The following GRHL2 variants were observed in gnomAD, a reference collection of about 807,000 sequenced individuals.
The protein encoded by GRHL2 is grainyhead-like protein 2 homolog.
GRHL2 carries 21 observed loss-of-function variants against 83.8 expected under a neutral mutation model. That is an observed-to-expected ratio of 0.25 (90% CI 0.18 to 0.36). The LOEUF (loss-of-function observed/expected upper bound fraction) is 0.36. GRHL2 is among the 10% of genes least tolerant of loss of function. GRHL2 has a pLI of 1.00. For synonymous variants in GRHL2, 280 were observed against 278.9 expected (o/e 1.00, Z -0.04); for missense variants, 623 against 781.8 (o/e 0.80, Z 2.42).
At position 101,586,065 on chromosome 8, in the gene GRHL2, C is replaced by CTTTTTTTTTTTTTTTTTTTTTTTTT. The variant is rs67985027; in HGVS notation, c.1003+8547_1003+8571dup. Among the ~76,000 whole-genome samples, 115 of 94,276 alleles carry CTTTTTTTTTTTTTTTTTTTTTTTTT rather than the reference C, an allele frequency of 1.2e-3. 14 individuals carry two copies. The highest frequency in any genetic ancestry group is 6.1e-3 in the Middle Eastern group (1 of 164). 61.8% of individuals were successfully genotyped at this position (94,276 alleles called of 152,430 possible). ...TCTTCTTTCCTTCCACCTCATGTTT[C>CTTTTTTTTTTTTTTTTTTTTTTTTT]TTTTTTTTTTTTTTTTTTTTTTTTT... On this transcript the variant is annotated intron_variant, in intron 7 of 15. Transcript: ENST00000646743.
chr8:101,589,026 G>T (rs1293234988), intron 7 of GRHL2, among the ~76,000 whole-genome samples: 1 of 152,192 alleles, frequency 6.6e-6, no homozygotes, highest in Non-Finnish European at 1.5e-5. Flanking sequence ...GATTACTGCT[G>T]ATTAACCACT....
At chr8:101,666,500 A>G (rs948789734) in intron 15 of GRHL2, 89 bp from the exon 16 acceptor site, 4 of 768,554 alleles carry the variant, frequency 5.2e-6, no homozygotes, top group Non-Finnish European at 7.1e-6. Flanking sequence ...AAGAATGGCT[A>G]CGAGAACCCC....
chr8:101,675,010 C>G, the GRHL2 span, among the ~76,000 whole-genome samples: 677 of 150,170 alleles, frequency 4.5e-3, 4 homozygotes, highest in African/African-American at 0.015. Context: ...ATTCAACAAC[C>G]CTTCATGCTA....
intron 4 of GRHL2, among the ~76,000 whole-genome samples, chr8:101,559,596 GAATTTGCGTTATCAAT>G (rs1811565354): frequency 6.6e-6 from 1 of 152,096 alleles, no homozygotes; most frequent in Non-Finnish European, 1.5e-5. Context: ...TCAAGAAGGA[GAATTTGCGTTATCAAT>G]AATCAAGTGT....
chr8:101,534,385 A>G (rs891629190), intron 1 of GRHL2, among the ~76,000 whole-genome samples: 1 of 152,170 alleles, frequency 6.6e-6, no homozygotes, highest in South Asian at 2.1e-4. Flanking sequence ...GTTCCTTGCC[A>G]AAATATGCCA....
At chr8:101,666,239 G>GA (rs1285765559) in intron 15 of GRHL2, among the ~76,000 whole-genome samples, 1 of 152,200 alleles carries the variant, frequency 6.6e-6, no homozygotes, top group African/African-American at 2.4e-5. Flanking sequence ...ATGGTTTACT[G>GA]AAAAGAGTTA....
At chr8:101,521,581 C>T (rs965118462) in intron 1 of GRHL2, among the ~76,000 whole-genome samples, 11 of 152,118 alleles carry the variant, frequency 7.2e-5, no homozygotes, top group South Asian at 4.1e-4. Context: ...TCTTTTTCAT[C>T]GCTGTATCCC....
chr8:101,543,507 C>A, intron 2 of GRHL2, 71 bp downstream of exon 2: 1 of 1,423,500 alleles, frequency 7.0e-7, no homozygotes, highest in Non-Finnish European at 9.9e-7. Flanking sequence ...GAAGAAGGAA[C>A]AGATTGTTTG....
chr8:101,579,600 A>G lies in GRHL2; in HGVS notation c.1003+2081A>G, dbSNP rs780405283. Among the ~76,000 whole-genome samples the G allele has an allele frequency of 2.6e-5, 4 of 152,158 alleles. No individual in the cohort carries two copies. The East Asian group carries it at 5.8e-4, about 22-fold the overall frequency. On this transcript the variant is annotated intron_variant, in intron 7 of 15. Transcript: ENST00000646743. ...CATGAATTTTCTGAGCACAGTCTCT[A>G]CCCCAATCTCAACCTGACATCTGCT...
At chr8:101,625,942 G>T (rs1206958407) in intron 9 of GRHL2, among the ~76,000 whole-genome samples, 1 of 151,988 alleles carries the variant, frequency 6.6e-6, no homozygotes, top group Admixed American at 6.6e-5. Flanking sequence ...GTCCTGCAGG[G>T]TGTATTCATC....
At chr8:101,673,550 G>A (rs1808904408), downstream of GRHL2, among the ~76,000 whole-genome samples, 2 of 145,650 alleles carry the variant, frequency 1.4e-5, no homozygotes, top group Non-Finnish European at 3.0e-5. Context: ...TCCAATACAG[G>A]AGCACCCAGA....
At chr8:101,645,990 C>T (rs1813504521) in intron 13 of GRHL2, among the ~76,000 whole-genome samples, 1 of 152,168 alleles carries the variant, frequency 6.6e-6, no homozygotes, top group Non-Finnish European at 1.5e-5. Context: ...CCTCCCACCT[C>T]AGCCTCCTGA....
At chr8:101,614,596 T>C (rs1812817523) in intron 8 of GRHL2, among the ~76,000 whole-genome samples, 1 of 152,168 alleles carries the variant, frequency 6.6e-6, no homozygotes, top group African/African-American at 2.4e-5. Context: ...GAACATTTGG[T>C]AGAGGAAATT....
the GRHL2 span, among the ~76,000 whole-genome samples, chr8:101,678,588 AGG>A: frequency 6.6e-6 from 1 of 151,786 alleles, no homozygotes; most frequent in Non-Finnish European, 1.5e-5. Context: ...CCACAGCTCA[AGG>A]AGGCCTGCCT....
chr8:101,567,904 T>A (rs895322156), intron 4 of GRHL2, among the ~76,000 whole-genome samples: 5 of 152,236 alleles, frequency 3.3e-5, no homozygotes, highest in African/African-American at 1.2e-4. Context: ...TTACTAATGC[T>A]GATTCACCTG....
At position 101,492,758 on chromosome 8, in the gene GRHL2, A is replaced by G; in HGVS notation, c.-12A>G. 2 of 1,613,582 alleles carry G rather than the reference A, an allele frequency of 1.2e-6. No homozygotes were observed. The highest frequency in any genetic ancestry group is 1.7e-6 in the Non-Finnish European group (2 of 1,179,498). On this transcript the variant is annotated 5_prime_UTR_variant, in exon 1 of 16. Coordinates refer to ENST00000646743, the MANE Select transcript of GRHL2 (RefSeq NM_024915.4). Reference sequence around the variant, plus strand: ...GCTCCAGGAAAAGCGGAGCAAGTTCATTGGATCAAACATGTCACAAGAGTC... The same window carrying G: ...GCTCCAGGAAAAGCGGAGCAAGTTCGTTGGATCAAACATGTCACAAGAGTC...
intron 1 of GRHL2, among the ~76,000 whole-genome samples, chr8:101,504,738 T>A (rs1038876204): frequency 2.6e-5 from 4 of 152,064 alleles, no homozygotes; most frequent in African/African-American, 9.7e-5. Flanking sequence ...TGACTGCTTC[T>A]GCAAGCTGGT....
Position 101,555,333 on chromosome 8 carries a change from A to C in GRHL2, c.284+2551A>C, listed in dbSNP as rs73701928. Among the ~76,000 whole-genome samples the C allele has an allele frequency of 7.3e-3, 1,111 of 152,224 alleles. 20 individuals carry two copies. The highest frequency in any genetic ancestry group is 0.025 in the African/African-American group (1,028 of 41,534). Reference sequence around the variant, plus strand: ...TTTCTTCACTCAAGGATCTGGGCTGACACGAGTTCGGGAAATCCTGGGTTT... The same window carrying C: ...TTTCTTCACTCAAGGATCTGGGCTGCCACGAGTTCGGGAAATCCTGGGTTT... On this transcript the variant is annotated intron_variant, in intron 3 of 15. Coordinates refer to ENST00000646743, the MANE Select transcript of GRHL2 (RefSeq NM_024915.4).
At chr8:101,528,040 C>T (rs996314235) in intron 1 of GRHL2, among the ~76,000 whole-genome samples, 2 of 152,184 alleles carry the variant, frequency 1.3e-5, no homozygotes, top group Non-Finnish European at 2.9e-5. Flanking sequence ...TCCAACACTT[C>T]GGTGCCTTGC....
Sources: allele counts gnomAD v4.1 joint callset (sites outside exome capture counted in the v4.1 genomes callset), GRCh38; gene constraint gnomAD v4.1.1; transcripts MANE v1.5; gene names NCBI Gene and HGNC (gene_info 2026-07-23, HGNC 2026-07-21).